PCDHGA7: variants seen among roughly 807,000 people sequenced by gnomAD.
The protein encoded by PCDHGA7 is protocadherin gamma subfamily A, 7, also known as protocadherin gamma-A7.
In PCDHGA7, 44 loss-of-function variants were observed where a neutral mutation model predicts 58.3. That is an observed-to-expected ratio of 0.75 (90% CI 0.59 to 0.97). The LOEUF (loss-of-function observed/expected upper bound fraction) is 0.97. Ranked by LOEUF, PCDHGA7 falls within the 50% of genes least tolerant of loss-of-function variation. PCDHGA7 has a pLI of 0.00. For missense variants in PCDHGA7, 1,266 were observed against 1,188.7 expected (o/e 1.06, Z -0.96); for synonymous variants, 516 against 504.2 (o/e 1.02, Z -0.31).
intron 1 of PCDHGA7, chr5:141,398,495 T>G: frequency 1.2e-6 from 2 of 1,610,214 alleles, no homozygotes; most frequent in Non-Finnish European, 1.7e-6. Context: ...AATGTGGAGA[T>G]CGAGGACATT....
At position 141,383,001 on chromosome 5, in the gene PCDHGA7, C is replaced by T. The variant is rs766067848; in HGVS notation, c.102C>T (p.Ser34=). The change falls in exon 1 of 4, where the codon TCC becomes TCT. Residue 34 remains serine, a synonymous_variant. Transcript: ENST00000518325. ...WEAWAGRILY[S]VSEETDKGSF... ...CCTGGGCAGGACGTATTCTCTACTC[C>T]GTGTCGGAGGAGACGGACAAAGGGT... 1 of 1,613,756 alleles carries T rather than the reference C, an allele frequency of 6.2e-7. No homozygotes were observed. The highest frequency in any genetic ancestry group is 1.1e-5 in the South Asian group (1 of 91,090).
chr5:141,432,250 A>C lies in PCDHGA7; in HGVS notation c.2424+46927A>C, dbSNP rs777728825. ...ATTCCCTGGCTGAGAACACCATCCA[A>C]GGGGCAAGCCTATCGTCCTACGTGT... On this transcript the variant is annotated intron_variant, in intron 1 of 3. Coordinates refer to ENST00000518325, the MANE Select transcript of PCDHGA7 (RefSeq NM_018920.4). This position sits in a 1 kb window ranked among gnomAD's most constrained non-coding sequence, Gnocchi z 6.0. 2 of 1,614,116 alleles carry C rather than the reference A, an allele frequency of 1.2e-6. No homozygotes were observed. The highest frequency in any genetic ancestry group is 1.7e-6 in the Non-Finnish European group (2 of 1,180,062).
chr5:141,413,574 T>C (rs773380895), intron 1 of PCDHGA7: 12 of 1,613,714 alleles, frequency 7.4e-6, no homozygotes, highest in Admixed American at 1.7e-5. Flanking sequence ...TCAATGACAA[T>C]GCTCCAAAAT....
chr5:141,384,222 G>A lies in PCDHGA7; in HGVS notation c.1323G>A (p.Gln441=). ...PLSRETHIFM[Q]VADTNDNPPT... ...CCAGGGAAACTCACATATTCATGCA[G>A]GTGGCAGACACCAACGATAACCCAC... Residue 441 remains glutamine (Q), a synonymous_variant, in exon 1 of 4, where the codon CAG becomes CAA. Transcript: ENST00000518325. The A allele has an allele frequency of 1.2e-6, 2 of 1,613,868 alleles. No individual in the cohort carries two copies. Among genetic ancestry groups the A allele is most frequent in the South Asian group, 2.2e-5 (2 of 91,084 alleles).
chr5:141,423,887 T>C, intron 1 of PCDHGA7: 2 of 1,282,240 alleles, frequency 1.6e-6, no homozygotes, highest in Non-Finnish European at 2.0e-6. Context: ...CTTGGCATAT[T>C]TTCTTTTGAT....
chr5:141,505,243 G>A (rs2099844728), intron 2 of PCDHGA7, 150 bp from the exon 3 acceptor site: 1 of 1,424,622 alleles, frequency 7.0e-7, no homozygotes, highest in Non-Finnish European at 9.4e-7. Flanking sequence ...CTGAAGGATT[G>A]TAGAAGTGCC....
intron 1 of PCDHGA7, among the ~76,000 whole-genome samples, chr5:141,482,793 C>T (rs900216099): frequency 3.9e-5 from 5 of 128,974 alleles, no homozygotes; most frequent in Non-Finnish European, 8.1e-5. Flanking sequence ...TGTGTGTGGC[C>T]GGGTACGGTG....
At chr5:141,480,956 C>G (rs2099528870) in intron 1 of PCDHGA7, among the ~76,000 whole-genome samples, 1 of 152,064 alleles carries the variant, frequency 6.6e-6, no homozygotes, top group South Asian at 2.1e-4. Flanking sequence ...GAGGCGGAAG[C>G]ATCAGTGAGG....
Position 141,383,356 on chromosome 5 carries a change from C to A in PCDHGA7, c.457C>A (p.Pro153Thr), listed in dbSNP as rs1046340065. The A allele has an allele frequency of 6.2e-7, 1 of 1,613,884 alleles. No homozygotes were observed. The highest frequency in any genetic ancestry group is 8.5e-7 in the Non-Finnish European group (1 of 1,179,914). Reference sequence around the variant, plus strand: ...GAATACAGCTCCTGGGGTTCGGTTTCCGTTAAGCGAGGCTGGGGATCCAGA... The same window carrying A: ...GAATACAGCTCCTGGGGTTCGGTTTACGTTAAGCGAGGCTGGGGATCCAGA... ...MENTAPGVRFPLSEAGDPDVG... is the reference protein window; with the variant it reads ...MENTAPGVRFTLSEAGDPDVG... Residue 153 changes from proline (P) to threonine (T), a missense_variant, in exon 1 of 4, where the codon CCG becomes ACG. Coordinates refer to ENST00000518325, the MANE Select transcript of PCDHGA7 (RefSeq NM_018920.4).
chr5:141,500,894 C>G (rs1221911920), intron 2 of PCDHGA7, among the ~76,000 whole-genome samples: 1 of 150,982 alleles, frequency 6.6e-6, no homozygotes, highest in African/African-American at 2.4e-5. Flanking sequence ...TTTTTTGAGA[C>G]AGTCTCGCTC....
At chr5:141,498,220 G>T (rs1562182972) in intron 2 of PCDHGA7, among the ~76,000 whole-genome samples, 1 of 152,222 alleles carries the variant, frequency 6.6e-6, no homozygotes, top group Non-Finnish European at 1.5e-5. Flanking sequence ...GAGCATTCCA[G>T]ATGGTCAGGC....
intron 3 of PCDHGA7, among the ~76,000 whole-genome samples, chr5:141,506,429 A>G (rs1406730781): frequency 7.0e-6 from 1 of 143,144 alleles, no homozygotes; most frequent in Non-Finnish European, 1.5e-5. Flanking sequence ...CCTGGGCAAC[A>G]GTCTCGCTCT....
intron 1 of PCDHGA7, chr5:141,422,754 C>T: frequency 1.2e-6 from 2 of 1,612,450 alleles, no homozygotes; most frequent in Non-Finnish European, 1.7e-6. Flanking sequence ...TCTCTATTAA[C>T]TCCAACACTG....
At chr5:141,496,412 T>C (rs1322376676) in intron 2 of PCDHGA7, among the ~76,000 whole-genome samples, 1 of 152,180 alleles carries the variant, frequency 6.6e-6, no homozygotes, top group African/African-American at 2.4e-5. Context: ...GGTTGAGTAC[T>C]TGCTGTCCAC....
intron 1 of PCDHGA7, chr5:141,403,224 A>G (rs753308307): frequency 2.0e-5 from 32 of 1,613,820 alleles, no homozygotes; most frequent in Non-Finnish European, 2.5e-5. Context: ...GGTAGGATAG[A>G]CCGGGAGGAG....
rs1355278714 is a variant in PCDHGA7 at position 141,398,651 on chromosome 5, A to G, written c.2424+13328A>G. 10 of 1,613,998 alleles carry G rather than the reference A, an allele frequency of 6.2e-6. No homozygotes were observed. The South Asian group carries it at 1.1e-4, about 18-fold the overall frequency. On this transcript the variant is annotated intron_variant, in intron 1 of 3. Coordinates refer to ENST00000518325, the MANE Select transcript of PCDHGA7 (RefSeq NM_018920.4). ...CTGCAGAAGTATAAACTCTCTCTTA[A>G]CCCAAGTTTCTCATTAATAATTAAG... is the stretch of plus-strand genomic sequence containing the variant.
intron 1 of PCDHGA7, chr5:141,392,938 G>T: frequency 6.2e-7 from 1 of 1,613,954 alleles, no homozygotes; most frequent in Non-Finnish European, 8.5e-7. Flanking sequence ...ACGGACAAAG[G>T]CTCCTTCGTG....
chr5:141,418,637 T>A, intron 1 of PCDHGA7: 1 of 1,613,998 alleles, frequency 6.2e-7, no homozygotes. Context: ...TCCAGGCACC[T>A]CCATCCTGAG....
intron 1 of PCDHGA7, chr5:141,398,904 C>T: frequency 6.2e-7 from 1 of 1,613,930 alleles, no homozygotes; most frequent in Non-Finnish European, 8.5e-7. Context: ...CACCAGGCAC[C>T]ACTGTGTTGC....
Sources: allele counts gnomAD v4.1 joint callset (sites outside exome capture counted in the v4.1 genomes callset), GRCh38; gene constraint gnomAD v4.1.1; non-coding constraint Gnocchi (gnomAD v3.1); transcripts MANE v1.5; gene names NCBI Gene and HGNC (gene_info 2026-07-23, HGNC 2026-07-21).